KALRN: variants seen among roughly 807,000 people sequenced by gnomAD.
KALRN encodes kalirin.
In KALRN, 70 loss-of-function variants were observed where a neutral mutation model predicts 353.7. The observed-to-expected ratio is 0.20, with a 90% CI of 0.16 to 0.24. KALRN has a LOEUF of 0.24. Ranked by LOEUF, KALRN falls within the 10% of genes least tolerant of loss-of-function variation. KALRN has a pLI of 1.00. For missense variants in KALRN, 2,791 were observed against 3,756.7 expected (o/e 0.74, Z 6.72); for synonymous variants, 1,391 against 1,434.8 (o/e 0.97, Z 0.69).
chr3:124,124,367 A>G (rs1256202848), intron 1 of KALRN, among the ~76,000 whole-genome samples: 3 of 152,238 alleles, frequency 2.0e-5, no homozygotes, highest in African/African-American at 7.2e-5. Flanking sequence ...TCTCATGATG[A>G]AAATTGAATG....
chr3:124,299,869 T>C (rs1206666358), intron 6 of KALRN, among the ~76,000 whole-genome samples: 1 of 152,210 alleles, frequency 6.6e-6, no homozygotes, highest in Admixed American at 6.5e-5. Context: ...TTCAAAATTG[T>C]GTCTGCTCTT....
chr3:124,287,734 C>A (rs2076039152), intron 5 of KALRN, among the ~76,000 whole-genome samples: 1 of 103,568 alleles, frequency 9.7e-6, no homozygotes, highest in Non-Finnish European at 2.0e-5. Flanking sequence ...TGGAGAGCTT[C>A]TATGGAATCA....
At chr3:124,049,598 C>T (rs2040840132) in intron 1 of KALRN, among the ~76,000 whole-genome samples, 1 of 152,166 alleles carries the variant, frequency 6.6e-6, no homozygotes, top group African/African-American at 2.4e-5. Flanking sequence ...CTGGGGGACT[C>T]AGATGGGAGT....
intron 36 of KALRN, among the ~76,000 whole-genome samples, chr3:124,634,348 TCTAA>T (rs2081124282): frequency 6.6e-6 from 1 of 152,166 alleles, no homozygotes; most frequent in Non-Finnish European, 1.5e-5. Flanking sequence ...AACTCTAAAC[TCTAA>T]CTAATGGTAG....
At chr3:124,592,736 C>T (rs1217002350) in intron 34 of KALRN, among the ~76,000 whole-genome samples, 1 of 152,176 alleles carries the variant, frequency 6.6e-6, no homozygotes, top group Non-Finnish European at 1.5e-5. Flanking sequence ...GGCTTGCCTC[C>T]CTGCCTGCTG....
At chr3:124,639,379 T>A (rs1473474624) in intron 37 of KALRN, among the ~76,000 whole-genome samples, 1 of 152,220 alleles carries the variant, frequency 6.6e-6, no homozygotes, top group Non-Finnish European at 1.5e-5. Flanking sequence ...ATCGTAATGA[T>A]TTCATTTGCG....
chr3:124,306,531 C>T (rs1050365164), intron 6 of KALRN, among the ~76,000 whole-genome samples: 8 of 151,722 alleles, frequency 5.3e-5, no homozygotes, highest in African/African-American at 1.9e-4. Context: ...TGCATAATGG[C>T]AGTACCAAAA....
intron 1 of KALRN, among the ~76,000 whole-genome samples, chr3:124,196,128 C>T (rs1051262171): frequency 6.6e-6 from 1 of 152,160 alleles, no homozygotes; most frequent in African/African-American, 2.4e-5. Flanking sequence ...ACATGATCCC[C>T]TCTGATTATT....
At chr3:124,218,650 C>T (rs1394499064) in intron 1 of KALRN, among the ~76,000 whole-genome samples, 2 of 152,184 alleles carry the variant, frequency 1.3e-5, no homozygotes, top group African/African-American at 4.8e-5. Context: ...GATAGAATCA[C>T]TTCTGAAGTG....
intron 1 of KALRN, among the ~76,000 whole-genome samples, chr3:124,171,653 G>A (rs1349605858): frequency 6.6e-6 from 1 of 152,044 alleles, no homozygotes; most frequent in Non-Finnish European, 1.5e-5. Context: ...TAAAGGAGTG[G>A]GCACATAAGG....
chr3:124,048,891 G>A (rs373896204), intron 1 of KALRN, among the ~76,000 whole-genome samples: 3 of 152,164 alleles, frequency 2.0e-5, no homozygotes, highest in African/African-American at 4.8e-5. Flanking sequence ...CTGTGGACGG[G>A]TGTTTGTTCT....
chr3:124,042,450 G>T (rs1398392718), intron 1 of KALRN, among the ~76,000 whole-genome samples: 3 of 152,176 alleles, frequency 2.0e-5, no homozygotes, highest in Non-Finnish European at 1.5e-5. Flanking sequence ...ACTGTTGGTT[G>T]GGGATGGGTT....
chr3:124,446,375 G>A, intron 20 of KALRN, 99 bp downstream of exon 20: 2 of 778,286 alleles, frequency 2.6e-6, no homozygotes, highest in Non-Finnish European at 4.2e-6. Flanking sequence ...CAGCAGATTG[G>A]GGATGGGAGT....
intron 1 of KALRN, among the ~76,000 whole-genome samples, chr3:124,191,999 G>A (rs1189357186): frequency 1.3e-5 from 2 of 152,248 alleles, no homozygotes; most frequent in Non-Finnish European, 2.9e-5. Context: ...AAGGGCCTGG[G>A]AACCTGTGTG....
chr3:124,643,568 A>C (rs1463873649), intron 37 of KALRN, among the ~76,000 whole-genome samples: 1 of 151,948 alleles, frequency 6.6e-6, no homozygotes, highest in Non-Finnish European at 1.5e-5. Context: ...TGCAGCTTTG[A>C]TCTCCTGGGC....
intron 34 of KALRN, among the ~76,000 whole-genome samples, chr3:124,594,752 G>A (rs966600256): frequency 6.6e-6 from 1 of 152,092 alleles, no homozygotes; most frequent in Non-Finnish European, 1.5e-5. Flanking sequence ...CCTTTCTGCA[G>A]GACCAGTGAA....
At position 124,721,571 on chromosome 3, in the gene KALRN, A is replaced by C. The variant is rs1187589761; in HGVS notation, c.*2101A>C. 1 of 152,246 alleles carries C rather than the reference A, an allele frequency of 6.6e-6. No individual in the cohort carries two copies. Among genetic ancestry groups the C allele is most frequent in the Non-Finnish European group, 1.5e-5 (1 of 68,044 alleles). The allele number at this position is 152,246 out of a possible 1,614,324, so 9.4% of individuals were successfully genotyped here. A position where few individuals can be genotyped will look rare whatever the true frequency, so the allele number is the denominator to read the frequency against. ...AAACATGTTTTCATTGTGTTTAAAA[A>C]ATTTAAAACATATTTACTAAAAATC... On this transcript the variant is annotated 3_prime_UTR_variant, in exon 60 of 60. Transcript: ENST00000682506.
rs145827913 is a variant in KALRN at position 124,718,092 on chromosome 3, G to A, written c.8415+707G>A. Reference sequence around the variant, plus strand: ...CTCCCAAAGTGCTGGGATTACAGGCGTGAGCCAACACATCCATCCCATTAT... The same window carrying A: ...CTCCCAAAGTGCTGGGATTACAGGCATGAGCCAACACATCCATCCCATTAT... On this transcript the variant is annotated intron_variant, in intron 59 of 59. Coordinates refer to ENST00000682506, the MANE Select transcript of KALRN (RefSeq NM_001388419.1). Among the ~76,000 whole-genome samples the A allele has an allele frequency of 3.6e-3, 550 of 150,830 alleles. 6 individuals carry two copies. Among genetic ancestry groups the A allele is most frequent in the African/African-American group, 0.013 (518 of 41,110 alleles).
chr3:124,521,143 T>C (rs556885825), intron 33 of KALRN, among the ~76,000 whole-genome samples: 3 of 152,340 alleles, frequency 2.0e-5, no homozygotes, highest in African/African-American at 7.2e-5. Flanking sequence ...CACACATCCA[T>C]GTACCCTTGC....
Sources: allele counts gnomAD v4.1 joint callset (sites outside exome capture counted in the v4.1 genomes callset), GRCh38; gene constraint gnomAD v4.1.1; transcripts MANE v1.5; gene names NCBI Gene and HGNC (gene_info 2026-07-23, HGNC 2026-07-21).